ZCCHC7: variants seen among roughly 807,000 people sequenced by gnomAD.
The protein encoded by ZCCHC7 is zinc finger CCHC domain-containing protein 7.
Under a neutral mutation model 52.0 loss-of-function variants are expected in ZCCHC7, and 35 were observed. The ratio of observed to expected loss-of-function variants is 0.67; its 90% CI spans 0.51 to 0.89. The LOEUF (loss-of-function observed/expected upper bound fraction) is 0.89. ZCCHC7 is among the 40% of genes least tolerant of loss of function. The pLI is 0.00. For synonymous variants in ZCCHC7, 217 were observed against 221.5 expected, an observed-to-expected ratio of 0.98 and a Z score of 0.18; for missense variants, 574 against 649.1, an observed-to-expected ratio of 0.88 and a Z score of 1.26.
At chr9:37,195,693 G>A (rs1344894257) in intron 2 of ZCCHC7, among the ~76,000 whole-genome samples, 1 of 152,106 alleles carries the variant, frequency 6.6e-6, no homozygotes, top group East Asian at 1.9e-4. Context: ...GTTTTGGGAG[G>A]CATATTTAAT....
At chr9:37,247,290 C>G (rs1826121742) in intron 2 of ZCCHC7, among the ~76,000 whole-genome samples, 1 of 152,068 alleles carries the variant, frequency 6.6e-6, no homozygotes, top group Non-Finnish European at 1.5e-5. Flanking sequence ...GTAGTGATAT[C>G]AAGTAACTTT....
chr9:37,289,554 C>T (rs2133618571), intron 2 of ZCCHC7, among the ~76,000 whole-genome samples: 1 of 152,306 alleles, frequency 6.6e-6, no homozygotes, highest in South Asian at 2.1e-4. Flanking sequence ...CCACCCTGGT[C>T]AGAGGTACTA....
chr9:37,155,319 CTCCA>C (rs1820761004), intron 2 of ZCCHC7, among the ~76,000 whole-genome samples: 1 of 151,868 alleles, frequency 6.6e-6, no homozygotes, highest in African/African-American at 2.4e-5. Context: ...CACCACTGCA[CTCCA>C]TCCAGCCTGG....
chr9:37,184,205 A>G (rs1000919471), intron 2 of ZCCHC7, among the ~76,000 whole-genome samples: 2 of 152,172 alleles, frequency 1.3e-5, no homozygotes, highest in Non-Finnish European at 2.9e-5. Flanking sequence ...TTTTTGTGTC[A>G]TACTTTGTTA....
At chr9:37,128,635 A>T (rs1203033005) in intron 2 of ZCCHC7, among the ~76,000 whole-genome samples, 2 of 152,242 alleles carry the variant, frequency 1.3e-5, no homozygotes, top group Non-Finnish European at 2.9e-5. Flanking sequence ...GCGTTGCTCT[A>T]GGTACCCATT....
chr9:37,224,693 A>G (rs553471155), intron 2 of ZCCHC7, among the ~76,000 whole-genome samples: 1 of 152,314 alleles, frequency 6.6e-6, no homozygotes, highest in East Asian at 1.9e-4. Context: ...TTGAAGTACA[A>G]GGAGGCCAAG....
At chr9:37,150,484 G>C (rs79220506) in intron 2 of ZCCHC7, among the ~76,000 whole-genome samples, 1 of 152,162 alleles carries the variant, frequency 6.6e-6, no homozygotes, top group Non-Finnish European at 1.5e-5. Context: ...TGGTGACAGT[G>C]ATTGCCCTTG....
chr9:37,175,373 A>G lies in ZCCHC7; in HGVS notation c.610+48431A>G, dbSNP rs181378883. Among the ~76,000 whole-genome samples, 6 of 151,898 alleles carry G rather than the reference A, an allele frequency of 4.0e-5. No homozygotes were observed. In the East Asian group the frequency reaches 9.7e-4, roughly 25 times the overall value. ...GCTTCGATTTTCTGTGATTCCTAAT[A>G]TTTCTTCCTCTGCTAGCTCATCTCT... On this transcript the variant is annotated intron_variant, in intron 2 of 8. Transcript: ENST00000336755.
rs186870955 is a variant in ZCCHC7, at chr9:37,271,112, A to G, written c.611-31076A>G. Among the ~76,000 whole-genome samples, 4 of 152,332 alleles carry G rather than the reference A, an allele frequency of 2.6e-5. No individual in the cohort carries two copies. The East Asian group carries it at 7.7e-4, about 29-fold the overall frequency. The stretch of plus-strand genomic sequence containing the variant: ...TTTAAAGAATTATCGATGGCTGCTT[A>G]TTTGACAAAAAGAGACACCTGACAT... On this transcript the variant is annotated intron_variant, in intron 2 of 8. Coordinates refer to ENST00000336755, the MANE Select transcript of ZCCHC7 (RefSeq NM_032226.3).
chr9:37,273,372 G>A (rs1181296001), intron 2 of ZCCHC7, among the ~76,000 whole-genome samples: 14 of 152,106 alleles, frequency 9.2e-5, no homozygotes, highest in South Asian at 4.1e-4. Context: ...GCATGGTGGC[G>A]GGTGCCTGTA....
chr9:37,352,962 G>A (rs1821483809), intron 7 of ZCCHC7, among the ~76,000 whole-genome samples: 1 of 152,004 alleles, frequency 6.6e-6, no homozygotes, highest in Admixed American at 6.6e-5. Context: ...AAATGATAAA[G>A]ATTAGAACCG....
intron 6 of ZCCHC7, 67 bp downstream of exon 6, chr9:37,327,901 C>A: frequency 6.6e-7 from 1 of 1,516,454 alleles, no homozygotes. Flanking sequence ...GAACTGCTGA[C>A]CATAAAATAT....
At chr9:37,177,059 A>G (rs1350142640) in intron 2 of ZCCHC7, among the ~76,000 whole-genome samples, 1 of 152,196 alleles carries the variant, frequency 6.6e-6, no homozygotes, top group East Asian at 1.9e-4. Context: ...GCAAGGATCT[A>G]GGCCGGGTGT....
At chr9:37,225,227 A>G (rs1212882013) in intron 2 of ZCCHC7, among the ~76,000 whole-genome samples, 1 of 152,224 alleles carries the variant, frequency 6.6e-6, no homozygotes, top group Non-Finnish European at 1.5e-5. Flanking sequence ...CTTAGATGAA[A>G]TGGACAAATT....
intron 6 of ZCCHC7, among the ~76,000 whole-genome samples, chr9:37,333,517 C>T (rs1466258600): frequency 1.3e-5 from 2 of 151,640 alleles, no homozygotes; most frequent in African/African-American, 4.8e-5. Flanking sequence ...TAAAGTTGTA[C>T]TTCTGTTTTA....
At position 37,222,110 on chromosome 9, in the gene ZCCHC7, C is replaced by T. The variant is rs116048493; in HGVS notation, c.611-80078C>T. On this transcript the variant is annotated intron_variant, in intron 2 of 8. Transcript: ENST00000336755. ...GGATGAAGAGACATTATTGAGATGC[C>T]AGCTTTCCACAAAATAATCGATAAC... Among the ~76,000 whole-genome samples the T allele has an allele frequency of 7.5e-3, 1,134 of 151,748 alleles. 16 individuals are homozygous for T. The highest frequency in any genetic ancestry group is 0.026 in the African/African-American group (1,074 of 41,368).
intron 2 of ZCCHC7, among the ~76,000 whole-genome samples, chr9:37,188,981 T>C (rs1588452508): frequency 3.1e-5 from 1 of 32,598 alleles, no homozygotes; most frequent in Non-Finnish European, 5.4e-5. Context: ...CTCTCCCCAC[T>C]CCTTCCTTTC....
intron 2 of ZCCHC7, among the ~76,000 whole-genome samples, chr9:37,288,223 T>C (rs1258139444): frequency 6.6e-6 from 1 of 150,470 alleles, no homozygotes; most frequent in Non-Finnish European, 1.5e-5. Context: ...GAGCCTGCAA[T>C]GAGGCATGAT....
Position 37,348,700 on chromosome 9 carries a change from C to T in ZCCHC7, c.988-657C>T, listed in dbSNP as rs139732702. 5.7e-3 allele frequency among the ~76,000 whole-genome samples: 862 copies of T among 152,192 alleles called. 1 individual carries two copies. Among genetic ancestry groups the T allele is most frequent in the Non-Finnish European group, 9.4e-3 (638 of 67,982 alleles). On this transcript the variant is annotated intron_variant, in intron 6 of 8. Transcript: ENST00000336755. ...GCCCAAACTACAACTATCCTAACTT[C>T]GACACTTAAAACTGGATAAAGCTCA...
Sources: gnomAD v4.1 joint callset for allele counts (sites outside exome capture counted in the v4.1 genomes callset) on GRCh38, gnomAD v4.1.1 for gene constraint, MANE v1.5 for transcripts, NCBI Gene and HGNC (gene_info 2026-07-23, HGNC 2026-07-21) for gene names.